Variants in NRXN3 observed in about 807,000 individuals in gnomAD.
NRXN3 encodes neurexin 3.
NRXN3 carries 32 observed loss-of-function variants against 137.6 expected under a neutral mutation model. The observed-to-expected ratio is 0.23, with a 90% CI of 0.18 to 0.31. NRXN3 has a LOEUF of 0.31. Ranked by LOEUF, NRXN3 falls within the 10% of genes least tolerant of loss-of-function variation. The pLI, the probability that NRXN3 is intolerant of heterozygous loss-of-function variation, is 1.00. For missense variants in NRXN3, 1,574 were observed against 2,062.5 expected, an observed-to-expected ratio of 0.76 and a Z score of 4.59; for synonymous variants, 798 against 784.5, an observed-to-expected ratio of 1.02 and a Z score of -0.29.
At chr14:79,476,720 T>C (rs2096562906) in intron 16 of NRXN3, among the ~76,000 whole-genome samples, 2 of 152,134 alleles carry the variant, frequency 1.3e-5, no homozygotes, top group African/African-American at 4.8e-5. Context: ...GCAAGAACTT[T>C]GTTTACACTG....
chr14:79,612,918 C>T (rs1470146248), intron 16 of NRXN3, among the ~76,000 whole-genome samples: 2 of 152,152 alleles, frequency 1.3e-5, no homozygotes, highest in African/African-American at 4.8e-5. Context: ...TTTGAAATAA[C>T]ACTGCCTTAG....
chr14:78,672,833 TGAAATCTGTAA>T (rs1047419633), intron 6 of NRXN3, among the ~76,000 whole-genome samples: 22 of 152,196 alleles, frequency 1.4e-4, no homozygotes, highest in African/African-American at 5.3e-4. Flanking sequence ...AAAAATAAAG[TGAAATCTGTAA>T]GCCTGGTTCT....
intron 15 of NRXN3, among the ~76,000 whole-genome samples, chr14:79,139,068 C>A (rs74687052): frequency 0.023 from 3,493 of 152,308 alleles, 65 homozygotes; most frequent in Middle Eastern, 0.037. Context: ...TTTTCACCTT[C>A]AAGGCCAATG....
chr14:78,849,912 G>A (rs1286960483), intron 10 of NRXN3, among the ~76,000 whole-genome samples: 5 of 152,136 alleles, frequency 3.3e-5, no homozygotes, highest in African/African-American at 1.2e-4. Flanking sequence ...GGAAAGAAAT[G>A]TTGACAGCAA....
At chr14:79,131,162 C>G (rs980105729) in intron 15 of NRXN3, among the ~76,000 whole-genome samples, 1 of 152,220 alleles carries the variant, frequency 6.6e-6, no homozygotes, top group African/African-American at 2.4e-5. Context: ...TCGTCTGAAG[C>G]CTTCTTCTCT....
At chr14:79,269,983 G>A (rs1447713434) in intron 15 of NRXN3, among the ~76,000 whole-genome samples, 1 of 152,164 alleles carries the variant, frequency 6.6e-6, no homozygotes, top group Non-Finnish European at 1.5e-5. Flanking sequence ...AAACAGAAGT[G>A]TATTAGAATA....
At chr14:79,112,497 G>A (rs1271783289) in intron 15 of NRXN3, among the ~76,000 whole-genome samples, 1 of 152,162 alleles carries the variant, frequency 6.6e-6, no homozygotes, top group Non-Finnish European at 1.5e-5. Flanking sequence ...TATGTGTCTG[G>A]TTTCTTGAAA....
chr14:79,146,074 C>T (rs976006261), intron 15 of NRXN3, among the ~76,000 whole-genome samples: 1 of 152,092 alleles, frequency 6.6e-6, no homozygotes, highest in African/African-American at 2.4e-5. Flanking sequence ...ATTTATTGCG[C>T]TTTTATTGTG....
At chr14:78,657,046 CAAAAAAAAAAAAAAAAAAAA>C (rs1174872709) in intron 6 of NRXN3, among the ~76,000 whole-genome samples, 3 of 31,062 alleles carry the variant, frequency 9.7e-5, no homozygotes, top group South Asian at 1.7e-3. Context: ...GACTCCGTCT[CAAAAAAAAAAAAAAAAAAAA>C]AAAAAAAAAG....
At chr14:79,665,849 A>G (rs2098554971) in intron 17 of NRXN3, among the ~76,000 whole-genome samples, 1 of 152,168 alleles carries the variant, frequency 6.6e-6, no homozygotes, top group Admixed American at 6.6e-5. Flanking sequence ...TTTTCAAAAC[A>G]GATTAAGCCT....
intron 4 of NRXN3, among the ~76,000 whole-genome samples, chr14:78,449,768 G>T (rs1275759708): frequency 6.6e-6 from 1 of 152,138 alleles, no homozygotes; most frequent in Non-Finnish European, 1.5e-5. Context: ...TGTTGCTAAT[G>T]TACTTTACTC....
At chr14:78,351,873 C>A (rs192595524) in intron 4 of NRXN3, among the ~76,000 whole-genome samples, 1 of 142,686 alleles carries the variant, frequency 7.0e-6, no homozygotes, top group Non-Finnish European at 1.5e-5. Flanking sequence ...ATTTTTTATG[C>A]CTTATTAAAA....
At chr14:78,914,928 T>C (rs1328819166) in intron 10 of NRXN3, among the ~76,000 whole-genome samples, 1 of 152,078 alleles carries the variant, frequency 6.6e-6, no homozygotes, top group Admixed American at 6.5e-5. Flanking sequence ...GGATAATTTG[T>C]TCAAGTAAGC....
chr14:79,508,406 T>TTTTTTTTTTTTTTTTTTTTTTTTTTTGC (rs67924687), intron 16 of NRXN3, among the ~76,000 whole-genome samples: 1 of 143,620 alleles, frequency 7.0e-6, no homozygotes. Flanking sequence ...TTTTTTTTTT[T>TTTTTTTTTTTTTTTTTTTTTTTTTTTGC]AAGACAGAGT....
Position 78,848,334 on chromosome 14 carries a change from G to A in NRXN3, c.2275+37990G>A, listed in dbSNP as rs184130681. On this transcript the variant is annotated intron_variant, in intron 10 of 20. Coordinates refer to ENST00000335750, the MANE Select transcript of NRXN3 (RefSeq NM_001330195.2). ...TCTGACACAGGTGGCATGGATGAAG[G>A]GGTGTCACTGAAGAAGCTTTGGCAA... Among the ~76,000 whole-genome samples the A allele has an allele frequency of 1.4e-4, 21 of 152,216 alleles. No individual in the cohort carries two copies. The East Asian group carries it at 3.3e-3, about 24-fold the overall frequency.
At chr14:78,977,880 A>G (rs1042307599) in intron 14 of NRXN3, among the ~76,000 whole-genome samples, 2 of 152,084 alleles carry the variant, frequency 1.3e-5, no homozygotes, top group African/African-American at 4.8e-5. Context: ...AAACCAACAC[A>G]TGTTACAAAT....
intron 2 of NRXN3, among the ~76,000 whole-genome samples, chr14:78,268,559 G>T (rs1272714279): frequency 1.3e-5 from 2 of 152,204 alleles, no homozygotes; most frequent in Non-Finnish European, 1.5e-5. Flanking sequence ...GAGGATGATA[G>T]ATTTGGGTGG....
chr14:78,440,721 T>G (rs2094216275), intron 4 of NRXN3, among the ~76,000 whole-genome samples: 1 of 151,696 alleles, frequency 6.6e-6, no homozygotes, highest in Non-Finnish European at 1.5e-5. Context: ...CCAGAAGCTG[T>G]GCTATGGGGG....
intron 1 of NRXN3, among the ~76,000 whole-genome samples, chr14:78,216,382 G>C (rs1362065013): frequency 2.0e-5 from 3 of 152,134 alleles, no homozygotes. Flanking sequence ...CCATTGCTCA[G>C]ATGAGTAAAC....
Sources: allele counts gnomAD v4.1 joint callset (sites outside exome capture counted in the v4.1 genomes callset), GRCh38; gene constraint gnomAD v4.1.1; transcripts MANE v1.5; gene names NCBI Gene and HGNC (gene_info 2026-07-23, HGNC 2026-07-21).